Variants in MTUS2 observed in about 807,000 individuals in gnomAD.
MTUS2 encodes the protein microtubule-associated tumor suppressor candidate 2.
Under a neutral mutation model 114.1 loss-of-function variants are expected in MTUS2, and 40 were observed. The observed-to-expected ratio is 0.35, with a 90% CI of 0.27 to 0.46. The LOEUF (loss-of-function observed/expected upper bound fraction) is 0.46, where lower values mean the gene tolerates loss of function less well. Among genes scored for constraint, MTUS2 ranks in the 20% least tolerant of loss-of-function variants. The pLI is 1.00. For synonymous variants in MTUS2, 688 were observed against 672.0 expected (o/e 1.02, Z -0.37); for missense variants, 1,679 against 1,705.4 (o/e 0.98, Z 0.27).
chr13:28,827,836 T>C (rs928627517), intron 1 of MTUS2, among the ~76,000 whole-genome samples: 3 of 152,190 alleles, frequency 2.0e-5, no homozygotes, highest in Admixed American at 2.0e-4. Context: ...AGAGATCACA[T>C]GCTTCACAAG....
intron 6 of MTUS2, among the ~76,000 whole-genome samples, chr13:29,322,882 C>T (rs2139675746): frequency 6.6e-6 from 1 of 152,232 alleles, no homozygotes; most frequent in East Asian, 1.9e-4. Context: ...TCTAGGGCTA[C>T]ACTATCTGAT....
chr13:29,429,708 A>G (rs892778799), intron 8 of MTUS2, among the ~76,000 whole-genome samples: 1 of 152,244 alleles, frequency 6.6e-6, no homozygotes, highest in Admixed American at 6.5e-5. Context: ...TTGGATTTCT[A>G]CAAGATGCAT....
intron 8 of MTUS2, among the ~76,000 whole-genome samples, chr13:29,407,967 A>T (rs554350733): frequency 1.4e-4 from 22 of 152,112 alleles, no homozygotes; most frequent in African/African-American, 4.3e-4. Flanking sequence ...ATGTTTATGG[A>T]TTATTTGCAT....
chr13:29,199,123 C>A (rs1482709978), intron 5 of MTUS2, among the ~76,000 whole-genome samples: 1 of 152,088 alleles, frequency 6.6e-6, no homozygotes, highest in Non-Finnish European at 1.5e-5. Context: ...CAAAAAAGAG[C>A]CATATAGCCA....
At chr13:29,141,415 G>A (rs1157079250) in intron 5 of MTUS2, among the ~76,000 whole-genome samples, 1 of 152,054 alleles carries the variant, frequency 6.6e-6, no homozygotes, top group African/African-American at 2.4e-5. Flanking sequence ...GGACGTTTTC[G>A]GGCAGAAGTT....
At chr13:28,858,719 T>C (rs1385472157) in intron 2 of MTUS2, among the ~76,000 whole-genome samples, 3 of 152,154 alleles carry the variant, frequency 2.0e-5, no homozygotes, top group African/African-American at 7.2e-5. Flanking sequence ...TAATTCAGAC[T>C]GTTGTGTGGA....
At chr13:29,006,834 A>G (rs1451927448) in intron 2 of MTUS2, among the ~76,000 whole-genome samples, 1 of 152,158 alleles carries the variant, frequency 6.6e-6, no homozygotes, top group Non-Finnish European at 1.5e-5. Context: ...CTCTCTTCTG[A>G]TGCTGCAATT....
At chr13:29,471,745 C>CCCG (rs1555283304) in intron 9 of MTUS2, among the ~76,000 whole-genome samples, 1 of 146,610 alleles carries the variant, frequency 6.8e-6, no homozygotes, top group African/African-American at 2.5e-5. Flanking sequence ...AGGCCCAGCC[C>CCCG]CCCCCGACAC....
chr13:29,210,968 G>T (rs977569864), intron 5 of MTUS2, among the ~76,000 whole-genome samples: 1 of 152,034 alleles, frequency 6.6e-6, no homozygotes, highest in African/African-American at 2.4e-5. Context: ...ATACAAGCTT[G>T]CCCTAATGCC....
At chr13:29,276,207 A>ATTTGATGC (rs1898057513) in intron 5 of MTUS2, among the ~76,000 whole-genome samples, 1 of 152,174 alleles carries the variant, frequency 6.6e-6, no homozygotes, top group African/African-American at 2.4e-5. Flanking sequence ...TTCCCCGAGG[A>ATTTGATGC]TTTGATGCTG....
At chr13:28,874,981 T>C (rs1348258708) in intron 2 of MTUS2, among the ~76,000 whole-genome samples, 4 of 152,208 alleles carry the variant, frequency 2.6e-5, no homozygotes, top group Non-Finnish European at 5.9e-5. Context: ...TTGTAGTTCA[T>C]GTATACTGAT....
chr13:28,985,324 A>G (rs76470619), intron 2 of MTUS2, among the ~76,000 whole-genome samples: 1,704 of 152,316 alleles, frequency 0.011, 31 homozygotes, highest in African/African-American at 0.038. Context: ...GGTAGTTGCA[A>G]AAATCCACCA....
chr13:29,249,122 G>T (rs1389892537), intron 5 of MTUS2, among the ~76,000 whole-genome samples: 4 of 152,154 alleles, frequency 2.6e-5, no homozygotes, highest in African/African-American at 9.6e-5. Flanking sequence ...CAAGTAGCTG[G>T]GACTACAGGC....
intron 5 of MTUS2, among the ~76,000 whole-genome samples, chr13:29,139,936 A>C (rs967331259): frequency 2.0e-5 from 3 of 152,136 alleles, no homozygotes; most frequent in South Asian, 4.1e-4. Context: ...GTTTTCCTCT[A>C]TTAATCATCA....
chr13:29,401,330 A>C (rs911202657), intron 8 of MTUS2, among the ~76,000 whole-genome samples: 7 of 152,140 alleles, frequency 4.6e-5, no homozygotes, highest in African/African-American at 1.7e-4. Flanking sequence ...TAGATTTTTT[A>C]CTTTGATTAT....
chr13:28,964,291 T>A (rs558750973), intron 2 of MTUS2, among the ~76,000 whole-genome samples: 4 of 152,242 alleles, frequency 2.6e-5, no homozygotes, highest in Non-Finnish European at 4.4e-5. Flanking sequence ...TTTTTCAGAA[T>A]GTCCTTGCTG....
chr13:28,987,255 G>T (rs1300481963), intron 2 of MTUS2, among the ~76,000 whole-genome samples: 1 of 152,174 alleles, frequency 6.6e-6, no homozygotes, highest in Non-Finnish European at 1.5e-5. Context: ...TGGGTGAAAA[G>T]ATGGAGAAGA....
At chr13:29,256,085 C>A (rs1041242959) in intron 5 of MTUS2, among the ~76,000 whole-genome samples, 1 of 152,214 alleles carries the variant, frequency 6.6e-6, no homozygotes, top group African/African-American at 2.4e-5. Flanking sequence ...TTGTCCCAGG[C>A]CCCAGGCGGT....
intron 5 of MTUS2, among the ~76,000 whole-genome samples, chr13:29,243,937 A>T (rs891250796): frequency 6.6e-6 from 1 of 152,250 alleles, no homozygotes; most frequent in African/African-American, 2.4e-5. Flanking sequence ...GTTGGGATTA[A>T]TAGCAACACA....
Sources: allele counts gnomAD v4.1 joint callset (sites outside exome capture counted in the v4.1 genomes callset), GRCh38; gene constraint gnomAD v4.1.1; transcripts MANE v1.5; gene names NCBI Gene and HGNC (gene_info 2026-07-23, HGNC 2026-07-21).